Variants in STYXL1 observed in about 807,000 individuals in gnomAD.
STYXL1 encodes serine/threonine/tyrosine interacting like 1, also known as serine/threonine/tyrosine-interacting-like protein 1.
STYXL1 carries 32 observed loss-of-function variants against 36.4 expected under a neutral mutation model. That is an observed-to-expected ratio of 0.88 (90% CI 0.66 to 1.18). The LOEUF (loss-of-function observed/expected upper bound fraction) is 1.18, where lower values mean the gene tolerates loss of function less well. Ranked by LOEUF, STYXL1 falls within the 50% of genes most tolerant of loss-of-function variation. The probability of loss-of-function intolerance (pLI) is 0.00; values close to 1 mark genes in which losing one functional copy is unlikely to be tolerated. For missense variants in STYXL1, 354 were observed against 394.1 expected (o/e 0.90, Z 0.86); for synonymous variants, 133 against 144.1 (o/e 0.92, Z 0.55).
At chr7:76,028,747 T>C in intron 2 of STYXL1, 44 bp from the exon 3 acceptor site, 1 of 1,574,140 alleles carries the variant, frequency 6.4e-7, no homozygotes, top group Non-Finnish European at 8.7e-7. Flanking sequence ...CAAAGGAACA[T>C]ACGACCAAAC....
intron 4 of STYXL1, among the ~76,000 whole-genome samples, chr7:76,016,663 T>C (rs1554574123): frequency 6.6e-6 from 1 of 152,020 alleles, no homozygotes; most frequent in Non-Finnish European, 1.5e-5. Context: ...ATCAGAGAAA[T>C]GCAAATCAAA....
At chr7:76,037,124 C>T (rs1214551674) in intron 1 of STYXL1, among the ~76,000 whole-genome samples, 1 of 149,970 alleles carries the variant, frequency 6.7e-6, no homozygotes, top group African/African-American at 2.4e-5. Flanking sequence ...TGGTAGCTCA[C>T]ACCTGTAATC....
chr7:76,034,867 T>G (rs1795762969), intron 1 of STYXL1, among the ~76,000 whole-genome samples: 1 of 152,230 alleles, frequency 6.6e-6, no homozygotes, highest in Non-Finnish European at 1.5e-5. Context: ...CAGTGATTCA[T>G]CCAGTTCCCT....
intron 7 of STYXL1, among the ~76,000 whole-genome samples, chr7:76,003,466 C>T (rs928835638): frequency 1.2e-4 from 18 of 152,222 alleles, no homozygotes; most frequent in Admixed American, 1.0e-3. Flanking sequence ...GTAGCCATCA[C>T]TCTCATTTTA....
At chr7:76,030,838 C>A (rs551676804) in intron 1 of STYXL1, among the ~76,000 whole-genome samples, 7 of 128,088 alleles carry the variant, frequency 5.5e-5, no homozygotes, top group African/African-American at 2.2e-4. Context: ...AATGGCAAGA[C>A]CCCATCTCTA....
intron 3 of STYXL1, among the ~76,000 whole-genome samples, chr7:76,026,548 C>G (rs782196749): frequency 6.6e-6 from 1 of 152,166 alleles, no homozygotes; most frequent in Non-Finnish European, 1.5e-5. Flanking sequence ...AACCAAAGTG[C>G]TAGGATTACA....
In STYXL1 at chr7:76,026,192, CAAAAAAAAAAAAAAAAAAAA is replaced by C. The variant is rs1159067824; in HGVS notation, c.165+2430_165+2449del. On this transcript the variant is annotated intron_variant, in intron 3 of 8. Coordinates refer to ENST00000359697, the MANE Select transcript of STYXL1 (RefSeq NM_001317785.2). Reference sequence around the variant, plus strand: ...GGAGGACAGAGCAAGACTCTGTCTCCAAAAAAAAAAAAAAAAAAAAAAAAAAAAAAAAAAAAAGCAGCAGA... The same window carrying C: ...GGAGGACAGAGCAAGACTCTGTCTCCAAAAAAAAAAAAAAAAAGCAGCAGA... 1.6e-3 allele frequency among the ~76,000 whole-genome samples: 30 copies of C among 18,626 alleles called. 2 individuals are homozygous for C. In the South Asian group the frequency reaches 0.038, roughly 23 times the overall value. 12.2% of individuals were successfully genotyped at this position (18,626 alleles called of 152,430 possible).
rs1795789802 is a variant in STYXL1 at position 76,035,085 on chromosome 7, G to A, written c.-4-4558C>T. 1.4e-5 allele frequency among the ~76,000 whole-genome samples: 2 copies of A among 140,278 alleles called. 1 individual carries two copies. Among genetic ancestry groups the A allele is most frequent in the Admixed American group, 1.4e-4 (2 of 14,086 alleles). 92.0% of individuals were successfully genotyped at this position (140,278 alleles called of 152,430 possible). ...CAACAGCACCATGATCCACCCAGTT[G>A]CTTGGGCCCGATGACCTCATTCCCC... On this transcript the variant is annotated intron_variant, in intron 1 of 8. Coordinates refer to ENST00000359697, the MANE Select transcript of STYXL1 (RefSeq NM_001317785.2).
intron 4 of STYXL1, among the ~76,000 whole-genome samples, chr7:76,014,321 A>G (rs1792983320): frequency 6.6e-6 from 1 of 151,586 alleles, no homozygotes; most frequent in Non-Finnish European, 1.5e-5. Context: ...GAGATGCATC[A>G]TATTAAAATT....
intron 1 of STYXL1, among the ~76,000 whole-genome samples, chr7:76,032,228 A>T (rs1240983213): frequency 9.0e-6 from 1 of 110,790 alleles, no homozygotes; most frequent in African/African-American, 5.4e-5. Context: ...CCCCATCTCT[A>T]AAAAAAAAAA....
intron 8 of STYXL1, chr7:75,998,838 A>G (rs1790447916): frequency 6.6e-6 from 1 of 152,270 alleles, no homozygotes; most frequent in African/African-American, 2.4e-5. Flanking sequence ...GAAGTGAAAG[A>G]GAAGACATTG....
chr7:76,003,526 C>A (rs1477819202), intron 7 of STYXL1, among the ~76,000 whole-genome samples: 1 of 152,228 alleles, frequency 6.6e-6, no homozygotes, highest in African/African-American at 2.4e-5. Context: ...GAGCCTTGGG[C>A]CCCACTGCCC....
intron 6 of STYXL1, among the ~76,000 whole-genome samples, chr7:76,004,383 C>T (rs1283267616): frequency 1.3e-5 from 2 of 151,858 alleles, no homozygotes; most frequent in African/African-American, 2.4e-5. Context: ...GTGTGAGCCA[C>T]CACACCCAGC....
chr7:76,035,411 G>A (rs1795819193), intron 1 of STYXL1, among the ~76,000 whole-genome samples: 1 of 150,466 alleles, frequency 6.6e-6, no homozygotes, highest in Non-Finnish European at 1.5e-5. Flanking sequence ...GGTCTTGCCT[G>A]TCTTGTCCAC....
rs1381992633 is a variant in STYXL1, at chr7:76,005,526, C to T, written c.454-122G>A. On this transcript the variant is annotated intron_variant, in intron 5 of 8. Coordinates refer to ENST00000359697, the MANE Select transcript of STYXL1 (RefSeq NM_001317785.2). ...GGCAGTTCCAGGACAGTGAATGTGA[C>T]GGAGATCCAGACTTTGAAAGAGATT... The T allele has an allele frequency of 7.4e-5, 67 of 903,698 alleles. No homozygotes were observed. In the Admixed American group the frequency reaches 1.1e-3, roughly 14 times the overall value. The allele number at this position is 903,698 out of a possible 1,614,324, so 56.0% of individuals were successfully genotyped here.
intron 4 of STYXL1, among the ~76,000 whole-genome samples, chr7:76,017,051 C>T (rs927178300): frequency 3.9e-5 from 6 of 152,032 alleles, no homozygotes; most frequent in East Asian, 1.9e-4. Flanking sequence ...GATGGAGTCT[C>T]GCTCTTGTCG....
chr7:75,999,928 G>A (rs896883693), intron 8 of STYXL1, among the ~76,000 whole-genome samples: 3 of 151,906 alleles, frequency 2.0e-5, no homozygotes, highest in Non-Finnish European at 2.9e-5. Flanking sequence ...CTATGTCCTC[G>A]CTGGGTCAGA....
chr7:76,027,234 G>A (rs1794817715), intron 3 of STYXL1, among the ~76,000 whole-genome samples: 1 of 151,932 alleles, frequency 6.6e-6, no homozygotes, highest in Non-Finnish European at 1.5e-5. Context: ...TGGGGAAAAG[G>A]TTTCGCTGCA....
In STYXL1 at chr7:76,030,474, T is replaced by C. The variant is rs1248629263; in HGVS notation, c.50A>G (p.Asn17Ser). Residue 17 changes from asparagine to serine, a missense_variant, in exon 2 of 9, where the codon AAT (asparagine) becomes AGT (serine). Asn to Ser is a conservative substitution (Grantham distance 46, BLOSUM62 1). Transcript: ENST00000359697. ...CEPTELYNILNQATKLSRLTD... is the reference protein window; with the variant it reads ...CEPTELYNILSQATKLSRLTD... ...TAATCTGGAGAGTTTTGTGGCCTGA[T>C]TCAGGATGTTGTAAAGCTCTGTTGG... The C allele has an allele frequency of 6.2e-7, 1 of 1,613,962 alleles. No homozygotes were observed. Among genetic ancestry groups the C allele is most frequent in the East Asian group, 2.2e-5 (1 of 44,894 alleles).
Sources: gnomAD v4.1 joint callset for allele counts (sites outside exome capture counted in the v4.1 genomes callset) on GRCh38, gnomAD v4.1.1 for gene constraint, MANE v1.5 for transcripts, NCBI Gene and HGNC (gene_info 2026-07-23, HGNC 2026-07-21) for gene names.